The following PCDH9 variants were observed in gnomAD, a reference collection of about 807,000 sequenced individuals.
The protein encoded by PCDH9 is protocadherin 9, also known as protocadherin-9.
Under a neutral mutation model 70.6 loss-of-function variants are expected in PCDH9, and 24 were observed. The observed-to-expected ratio is 0.34, with a 90% confidence interval of 0.25 to 0.48. The LOEUF (loss-of-function observed/expected upper bound fraction) is 0.48, where lower values mean the gene tolerates loss of function less well. Among genes scored for constraint, PCDH9 ranks in the 20% least tolerant of loss-of-function variants. The pLI, the probability that PCDH9 is intolerant of heterozygous loss-of-function variation, is 0.99. For missense variants in PCDH9, 1,281 were observed against 1,503.6 expected, an observed-to-expected ratio of 0.85 and a Z score of 2.45; for synonymous variants, 562 against 558.5, an observed-to-expected ratio of 1.01 and a Z score of -0.09.
intron 2 of PCDH9, among the ~76,000 whole-genome samples, chr13:66,955,109 T>C (rs1006006960): frequency 6.6e-6 from 1 of 152,168 alleles, no homozygotes; most frequent in East Asian, 1.9e-4. Flanking sequence ...CTCAAGAGCA[T>C]GTTATTGACT....
intron 3 of PCDH9, among the ~76,000 whole-genome samples, chr13:66,718,911 A>G (rs553737319): frequency 2.6e-5 from 4 of 152,314 alleles, no homozygotes; most frequent in South Asian, 4.1e-4. Flanking sequence ...AACCACAGAC[A>G]TGGGATTGTT....
intron 2 of PCDH9, among the ~76,000 whole-genome samples, chr13:66,977,064 CCT>C (rs1413035001): frequency 6.6e-6 from 1 of 152,078 alleles, no homozygotes; most frequent in African/African-American, 2.4e-5. Flanking sequence ...TTACCAGAGA[CCT>C]TTAATAGGTT....
intron 4 of PCDH9, among the ~76,000 whole-genome samples, chr13:66,389,672 G>A (rs1956985800): frequency 6.6e-6 from 1 of 152,180 alleles, no homozygotes; most frequent in African/African-American, 2.4e-5. Flanking sequence ...AGCTGGTAAA[G>A]GGACTTCAAG....
intron 3 of PCDH9, among the ~76,000 whole-genome samples, chr13:66,708,410 T>G (rs970221770): frequency 2.0e-5 from 3 of 151,120 alleles, no homozygotes; most frequent in African/African-American, 4.8e-5. Flanking sequence ...TTAGTTTTTT[T>G]TTTTTTTTTT....
At chr13:66,948,517 G>C (rs1209043074) in intron 2 of PCDH9, among the ~76,000 whole-genome samples, 2 of 150,662 alleles carry the variant, frequency 1.3e-5, no homozygotes, top group African/African-American at 4.9e-5. Context: ...TCATTCTTGA[G>C]TACGTATAGT....
intron 2 of PCDH9, among the ~76,000 whole-genome samples, chr13:66,919,218 C>G (rs1455601961): frequency 2.6e-5 from 4 of 151,176 alleles, no homozygotes; most frequent in Non-Finnish European, 4.5e-5. Flanking sequence ...TCCAAAGTTA[C>G]TGCTTCAGGA....
intron 4 of PCDH9, among the ~76,000 whole-genome samples, chr13:66,628,328 G>C (rs150442483): frequency 2.6e-5 from 4 of 151,864 alleles, no homozygotes; most frequent in Non-Finnish European, 4.4e-5. Context: ...CTGAATCTCC[G>C]GACAAATAAA....
intron 3 of PCDH9, among the ~76,000 whole-genome samples, chr13:66,872,707 C>A (rs1224147955): frequency 6.6e-6 from 1 of 152,012 alleles, no homozygotes; most frequent in Admixed American, 6.6e-5. Flanking sequence ...ACACAGGTAT[C>A]CCATAGGTCA....
intron 4 of PCDH9, among the ~76,000 whole-genome samples, chr13:66,608,950 C>T (rs151295279): frequency 1.3e-5 from 2 of 152,258 alleles, no homozygotes; most frequent in African/African-American, 2.4e-5. Flanking sequence ...AGCTAAGGGA[C>T]CTCACACGGT....
intron 3 of PCDH9, among the ~76,000 whole-genome samples, chr13:66,718,637 A>C (rs1402649572): frequency 6.6e-6 from 1 of 152,218 alleles, no homozygotes; most frequent in Non-Finnish European, 1.5e-5. Flanking sequence ...ATATCTAGAA[A>C]GTGTATGGTT....
chr13:66,500,083 G>A (rs1027633527), intron 4 of PCDH9, among the ~76,000 whole-genome samples: 3 of 152,084 alleles, frequency 2.0e-5, no homozygotes, highest in African/African-American at 4.8e-5. Context: ...ATAGCGATGC[G>A]AATGGACTAA....
At chr13:66,742,171 C>T (rs1302944631) in intron 3 of PCDH9, among the ~76,000 whole-genome samples, 1 of 52,494 alleles carries the variant, frequency 1.9e-5, no homozygotes, top group Non-Finnish European at 3.8e-5. Context: ...CAGAACAGAG[C>T]CCTCAGAAAT....
chr13:66,662,337 G>C (rs568544120), intron 3 of PCDH9, among the ~76,000 whole-genome samples: 9 of 152,156 alleles, frequency 5.9e-5, no homozygotes, highest in African/African-American at 1.9e-4. Flanking sequence ...GCCAGCCGTG[G>C]TGGCTCATGC....
In PCDH9 at chr13:67,230,084, C is replaced by T. The variant is rs2089972657; in HGVS notation, c.-440G>A. The T allele has an allele frequency of 6.6e-6, 1 of 152,292 alleles. No homozygotes were observed. The highest frequency in any genetic ancestry group is 2.1e-4 in the South Asian group (1 of 4,834). The allele number at this position is 152,292 out of a possible 1,614,324, so 9.4% of individuals were successfully genotyped here. On this transcript the variant is annotated 5_prime_UTR_variant, in exon 1 of 5. An upstream open reading frame in the 5' UTR gains an earlier in-frame stop. Transcript: ENST00000377865. The stretch of plus-strand genomic sequence containing the variant: ...CACTTCTTCAGCTCAGGGATATTTT[C>T]CACAGCAGCATGCATACCATTTCCA...
At chr13:66,916,511 T>C (rs974001337) in intron 2 of PCDH9, among the ~76,000 whole-genome samples, 10 of 151,356 alleles carry the variant, frequency 6.6e-5, no homozygotes, top group African/African-American at 2.2e-4. Flanking sequence ...AAAGGGCCAA[T>C]TGGATATTCT....
At chr13:66,454,161 T>TA (rs1566338021) in intron 4 of PCDH9, among the ~76,000 whole-genome samples, 22 of 151,850 alleles carry the variant, frequency 1.4e-4, no homozygotes, top group East Asian at 7.8e-4. Context: ...TTCTTTTTTT[T>TA]TAAAAAAAGC....
chr13:66,464,161 A>T (rs1387100052), intron 4 of PCDH9, among the ~76,000 whole-genome samples: 1 of 151,744 alleles, frequency 6.6e-6, no homozygotes, highest in Non-Finnish European at 1.5e-5. Flanking sequence ...TTAACCCAGA[A>T]TACGATGCAA....
intron 4 of PCDH9, among the ~76,000 whole-genome samples, chr13:66,617,774 C>T (rs1328992802): frequency 6.6e-6 from 1 of 152,150 alleles, no homozygotes; most frequent in Non-Finnish European, 1.5e-5. Context: ...CCATCAAACT[C>T]CAAACAGTCA....
At chr13:67,178,586 G>A (rs1464180160) in intron 2 of PCDH9, among the ~76,000 whole-genome samples, 5 of 151,960 alleles carry the variant, frequency 3.3e-5, no homozygotes, top group Admixed American at 2.6e-4. Context: ...ATTTTTGTCT[G>A]TGTATGTAGT....
Sources: gnomAD v4.1 joint callset for allele counts (sites outside exome capture counted in the v4.1 genomes callset) on GRCh38, gnomAD v4.1.1 for gene constraint, MANE v1.5 for transcripts, NCBI Gene and HGNC (gene_info 2026-07-23, HGNC 2026-07-21) for gene names.